FCER1A: variants seen among roughly 807,000 people sequenced by gnomAD.
FCER1A encodes Fc epsilon receptor Ia, also known as high affinity immunoglobulin epsilon receptor subunit alpha.
Under a neutral mutation model 23.6 loss-of-function variants are expected in FCER1A, and 24 were observed. The observed-to-expected ratio is 1.02, with a 90% CI of 0.74 to 1.43. The LOEUF is 1.43. Among genes scored for constraint, FCER1A ranks in the 40% most tolerant of loss-of-function variants. The pLI is 0.00. For synonymous variants in FCER1A, 121 were observed against 108.8 expected (o/e 1.11, Z -0.70); for missense variants, 318 against 294.5 (o/e 1.08, Z -0.58).
At chr1:159,305,916 G>A (rs2269718) in intron 3 of FCER1A, 72 bp from the exon 4 acceptor site, 84,703 of 1,353,686 alleles carry the variant, frequency 0.063, 6,280 homozygotes, top group East Asian at 0.43. Flanking sequence ...TCTATGCGTG[G>A]CTCTCTTTTC....
upstream of FCER1A, among the ~76,000 whole-genome samples, chr1:159,299,829 C>T (rs1410569410): frequency 6.6e-6 from 1 of 151,890 alleles, no homozygotes; most frequent in South Asian, 2.1e-4. Context: ...CCCGTTCTTC[C>T]AGGGAGGAAT....
upstream of FCER1A, among the ~76,000 whole-genome samples, chr1:159,286,579 G>A (rs1007401328): frequency 5.3e-5 from 8 of 152,118 alleles, no homozygotes; most frequent in Non-Finnish European, 8.8e-5. Context: ...TGATCCGCCC[G>A]CCTTGGCCTC....
intron 1 of FCER1A, 83 bp from the exon 2 acceptor site, chr1:159,302,771 T>A: frequency 2.4e-6 from 3 of 1,258,440 alleles, no homozygotes; most frequent in Non-Finnish European, 3.5e-6. Context: ...TGGATGTAGA[T>A]CTTATCCCCA....
chr1:159,293,572 T>C (rs930409470), intron 1 of FCER1A, among the ~76,000 whole-genome samples: 46 of 112,250 alleles, frequency 4.1e-4, no homozygotes, highest in Admixed American at 7.9e-4. Context: ...GTCCCCAGAG[T>C]GTGATGTTCC....
At chr1:159,289,428 T>C (rs1652092909), upstream of FCER1A, among the ~76,000 whole-genome samples, 1 of 152,202 alleles carries the variant, frequency 6.6e-6, no homozygotes, top group Non-Finnish European at 1.5e-5. Flanking sequence ...AGCACACTTG[T>C]AGTACAATCT....
upstream of FCER1A, among the ~76,000 whole-genome samples, chr1:159,300,018 T>G (rs1408727286): frequency 2.6e-5 from 4 of 152,132 alleles, no homozygotes; most frequent in Admixed American, 6.6e-5. Flanking sequence ...TGGTTGCTTT[T>G]TAGGCTTTAA....
At chr1:159,286,737 T>C (rs992121274), upstream of FCER1A, among the ~76,000 whole-genome samples, 6 of 152,228 alleles carry the variant, frequency 3.9e-5, no homozygotes, top group African/African-American at 1.4e-4. Context: ...TCTTTCATCA[T>C]TTAGCTTGGG....
chr1:159,302,303 A>G, upstream of FCER1A: 2 of 1,173,508 alleles, frequency 1.7e-6, no homozygotes, highest in South Asian at 1.2e-5. Context: ...TTTTGGTTTT[A>G]AGCCTATATT....
chr1:159,305,902 A>G, intron 3 of FCER1A, 86 bp from the exon 4 acceptor site: 1 of 1,201,046 alleles, frequency 8.3e-7, no homozygotes, highest in Non-Finnish European at 1.2e-6. Context: ...TTTCTGACAC[A>G]TGCTCTATGC....
upstream of FCER1A, among the ~76,000 whole-genome samples, chr1:159,285,213 T>C (rs1651985689): frequency 6.6e-6 from 1 of 152,132 alleles, no homozygotes; most frequent in African/African-American, 2.4e-5. Context: ...TCCCACTGTA[T>C]TGGAAAAAAT....
At position 159,304,170 on chromosome 1, in the gene FCER1A, G is replaced by T. The variant is rs377677597; in HGVS notation, c.319G>T (p.Glu107Ter). ...TAATGAGAGTGAACCTGTGTACCTGGAAGTCTTCAGTGGTAAGTTCCAGGG... is the reference window on the plus strand; with the variant it reads ...TAATGAGAGTGAACCTGTGTACCTGTAAGTCTTCAGTGGTAAGTTCCAGGG... Reference protein sequence around the residue: ...QVNESEPVYLEVFSDWLLLQA... With the variant: ...QVNESEPVYL The change falls in exon 3 of 5, where the codon GAA becomes TAA. Residue 107 changes from glutamate to a stop codon, truncating the protein, a stop_gained. Coordinates refer to ENST00000693622, the MANE Select transcript of FCER1A (RefSeq NM_001387280.1). LOFTEE classifies it high-confidence loss of function. 2.5e-6 allele frequency: 4 copies of T among 1,613,856 alleles called. No homozygotes were observed. Among genetic ancestry groups the T allele is most frequent in the Non-Finnish European group, 3.4e-6 (4 of 1,179,760 alleles).
upstream of FCER1A, among the ~76,000 whole-genome samples, chr1:159,285,832 G>C (rs1183803170): frequency 6.6e-6 from 1 of 152,082 alleles, no homozygotes; most frequent in Non-Finnish European, 1.5e-5. Context: ...AAGCAAAGCT[G>C]ATTTCAAAAT....
chr1:159,304,634 C>T (rs545213318), intron 3 of FCER1A, among the ~76,000 whole-genome samples: 4 of 151,938 alleles, frequency 2.6e-5, no homozygotes, highest in Non-Finnish European at 5.9e-5. Context: ...ATAAAAAAGA[C>T]CCCTGCATCT....
chr1:159,286,301 C>A (rs1394588090), upstream of FCER1A, among the ~76,000 whole-genome samples: 1 of 152,136 alleles, frequency 6.6e-6, no homozygotes, highest in Non-Finnish European at 1.5e-5. Context: ...ATCCCATCAA[C>A]CTTTATCATT....
intron 1 of FCER1A, 97 bp from the exon 2 acceptor site, chr1:159,302,757 T>C: frequency 8.9e-7 from 1 of 1,119,098 alleles, no homozygotes; most frequent in Non-Finnish European, 1.4e-6. Flanking sequence ...TCCTTAAAAT[T>C]CCATGGATGT....
At chr1:159,288,825 C>T (rs1442421247), upstream of FCER1A, among the ~76,000 whole-genome samples, 2 of 152,154 alleles carry the variant, frequency 1.3e-5, no homozygotes, top group Non-Finnish European at 2.9e-5. Context: ...ACTAAAGCAG[C>T]AGCAGAAACA....
chr1:159,292,105 C>T (rs1249474634), intron 1 of FCER1A, among the ~76,000 whole-genome samples: 2 of 152,084 alleles, frequency 1.3e-5, no homozygotes, highest in African/African-American at 4.8e-5. Context: ...TGCTCTGAGA[C>T]TTTCTCTGTT....
At chr1:159,304,317 A>C (rs1234437929) in intron 3 of FCER1A, 135 bp downstream of exon 3, 1 of 827,292 alleles carries the variant, frequency 1.2e-6, no homozygotes, top group Non-Finnish European at 1.9e-6. Flanking sequence ...AGACCCCTGC[A>C]TTGGCTGGGC....
At chr1:159,302,146 G>A (rs1304165565), upstream of FCER1A, among the ~76,000 whole-genome samples, 1 of 152,206 alleles carries the variant, frequency 6.6e-6, no homozygotes, top group Non-Finnish European at 1.5e-5. Flanking sequence ...GTGTATATGT[G>A]GAGGTGGGAT....
Sources: allele counts gnomAD v4.1 joint callset (sites outside exome capture counted in the v4.1 genomes callset), GRCh38; gene constraint gnomAD v4.1.1; transcripts MANE v1.5; gene names NCBI Gene and HGNC (gene_info 2026-07-23, HGNC 2026-07-21).